Variants in EXOC6B observed in about 807,000 individuals in gnomAD.
The protein encoded by EXOC6B is exocyst complex component 6B.
EXOC6B carries 54 observed loss-of-function variants against 113.5 expected under a neutral mutation model. The observed-to-expected ratio is 0.48, with a 90% CI of 0.38 to 0.60. EXOC6B has a LOEUF of 0.60. Among genes scored for constraint, EXOC6B ranks in the 20% least tolerant of loss-of-function variants. EXOC6B has a pLI of 0.00. For synonymous variants in EXOC6B, 357 were observed against 339.0 expected, an observed-to-expected ratio of 1.05 and a Z score of -0.58; for missense variants, 797 against 977.5, an observed-to-expected ratio of 0.82 and a Z score of 2.46.
chr2:72,588,294 G>C (rs992909907), intron 6 of EXOC6B, among the ~76,000 whole-genome samples: 1 of 152,034 alleles, frequency 6.6e-6, no homozygotes, highest in Non-Finnish European at 1.5e-5. Context: ...TTCATCAAAG[G>C]ATGAATGGAT....
intron 20 of EXOC6B, among the ~76,000 whole-genome samples, chr2:72,330,301 G>T (rs1688351774): frequency 6.6e-6 from 1 of 152,020 alleles, no homozygotes; most frequent in African/African-American, 2.4e-5. Context: ...AAATGTTTCA[G>T]GGTAGCCTGT....
intron 19 of EXOC6B, among the ~76,000 whole-genome samples, chr2:72,361,674 G>C (rs1461272701): frequency 6.6e-6 from 1 of 152,110 alleles, no homozygotes; most frequent in African/African-American, 2.4e-5. Context: ...AGATTCTTTA[G>C]TTCTGATGTC....
chr2:72,191,575 T>C (rs189076060), intron 20 of EXOC6B, among the ~76,000 whole-genome samples: 1 of 152,340 alleles, frequency 6.6e-6, no homozygotes, highest in East Asian at 1.9e-4. Context: ...CATCTGAGAC[T>C]AGGCCAAATT....
chr2:72,179,540 G>T, intron 21 of EXOC6B, 79 bp from the exon 22 acceptor site: 1 of 1,526,256 alleles, frequency 6.6e-7, no homozygotes, highest in South Asian at 1.1e-5. Flanking sequence ...AAGCAGGATG[G>T]CAATGCATCT....
intron 19 of EXOC6B, among the ~76,000 whole-genome samples, chr2:72,365,889 A>T (rs1216654257): frequency 6.6e-6 from 1 of 152,160 alleles, no homozygotes; most frequent in African/African-American, 2.4e-5. Context: ...ACTGGTGACA[A>T]ATTAGACCTA....
chr2:72,559,609 T>C, intron 7 of EXOC6B, 88 bp from the exon 8 acceptor site: 2 of 1,060,564 alleles, frequency 1.9e-6, no homozygotes, highest in African/African-American at 1.6e-5. Context: ...GTTTGGTTCT[T>C]TTTATAAAGG....
chr2:72,786,124 C>T (rs1011304047), intron 1 of EXOC6B, among the ~76,000 whole-genome samples: 1 of 152,148 alleles, frequency 6.6e-6, no homozygotes, highest in African/African-American at 2.4e-5. Flanking sequence ...GCAAGAAATG[C>T]TTTTCTAAAC....
At chr2:72,353,605 C>T (rs1380217162) in intron 19 of EXOC6B, among the ~76,000 whole-genome samples, 3 of 151,950 alleles carry the variant, frequency 2.0e-5, no homozygotes, top group African/African-American at 7.3e-5. Context: ...AACTCCTGAC[C>T]TCAAGTGATC....
chr2:72,733,187 T>A, intron 2 of EXOC6B, 69 bp from the exon 3 acceptor site: 1 of 1,154,860 alleles, frequency 8.7e-7, no homozygotes, highest in Non-Finnish European at 1.3e-6. Flanking sequence ...AAGATCTAAA[T>A]TTAATATGAA....
intron 11 of EXOC6B, among the ~76,000 whole-genome samples, chr2:72,505,306 A>C (rs1700540114): frequency 6.6e-6 from 1 of 152,068 alleles, no homozygotes. Flanking sequence ...TCCCATTGCT[A>C]TTCATTCAAG....
intron 13 of EXOC6B, among the ~76,000 whole-genome samples, 151 bp from the exon 14 acceptor site, chr2:72,496,710 C>T (rs895513354): frequency 2.0e-5 from 3 of 151,864 alleles, no homozygotes; most frequent in Non-Finnish European, 4.4e-5. Context: ...TGAACATTTC[C>T]CAGTCCCTAT....
At chr2:72,408,968 C>T (rs1036119565) in intron 18 of EXOC6B, among the ~76,000 whole-genome samples, 13 of 152,276 alleles carry the variant, frequency 8.5e-5, no homozygotes, top group African/African-American at 2.4e-4. Context: ...ACCTACTCAT[C>T]TGGCAAAGGG....
intron 19 of EXOC6B, among the ~76,000 whole-genome samples, chr2:72,375,632 T>C (rs1691311099): frequency 6.6e-6 from 1 of 152,110 alleles, no homozygotes; most frequent in Non-Finnish European, 1.5e-5. Flanking sequence ...AAACATGACA[T>C]ATCAAAATTT....
At chr2:72,232,363 A>T (rs975776734) in intron 20 of EXOC6B, among the ~76,000 whole-genome samples, 1 of 152,198 alleles carries the variant, frequency 6.6e-6, no homozygotes, top group Non-Finnish European at 1.5e-5. Flanking sequence ...TGTATTATAC[A>T]TGGGAGTAAA....
At chr2:72,800,490 C>A (rs1035567141) in intron 1 of EXOC6B, among the ~76,000 whole-genome samples, 3 of 152,172 alleles carry the variant, frequency 2.0e-5, no homozygotes, top group East Asian at 1.9e-4. Flanking sequence ...AAAAATGTTT[C>A]TTTTTATACT....
At chr2:72,789,414 TGTTTGGTG>T (rs1684553180) in intron 1 of EXOC6B, among the ~76,000 whole-genome samples, 1 of 152,190 alleles carries the variant, frequency 6.6e-6, no homozygotes, top group South Asian at 2.1e-4. Context: ...AAGATGGGCA[TGTTTGGTG>T]GTTTGTTGGA....
At chr2:72,678,021 T>A (rs1409387009) in intron 6 of EXOC6B, among the ~76,000 whole-genome samples, 2 of 152,144 alleles carry the variant, frequency 1.3e-5, no homozygotes, top group Non-Finnish European at 2.9e-5. Flanking sequence ...TAAAAAAAAA[T>A]ATTTAAAAGA....
intron 20 of EXOC6B, among the ~76,000 whole-genome samples, chr2:72,291,464 T>C (rs13394873): frequency 0.025 from 3,738 of 152,274 alleles, 165 homozygotes; most frequent in African/African-American, 0.086. Context: ...TAACTTTCAG[T>C]AGAAAAACAA....
intron 1 of EXOC6B, among the ~76,000 whole-genome samples, chr2:72,788,139 C>A (rs1396788627): frequency 6.6e-6 from 1 of 152,158 alleles, no homozygotes; most frequent in Non-Finnish European, 1.5e-5. Context: ...CCTTAGTCTA[C>A]CTGTTATTTC....
Sources: allele counts gnomAD v4.1 joint callset (sites outside exome capture counted in the v4.1 genomes callset), GRCh38; gene constraint gnomAD v4.1.1; transcripts MANE v1.5; gene names NCBI Gene and HGNC (gene_info 2026-07-23, HGNC 2026-07-21).